Variants in AKR1C3 observed in about 807,000 individuals in gnomAD.
AKR1C3 encodes aldo-keto reductase family 1 member C3.
Under a neutral mutation model 43.6 loss-of-function variants are expected in AKR1C3, and 48 were observed. The ratio of observed to expected loss-of-function variants is 1.10; its 90% CI spans 0.87 to 1.40. The LOEUF (loss-of-function observed/expected upper bound fraction) is 1.40, where lower values mean the gene tolerates loss of function less well. AKR1C3 is among the 40% of genes most tolerant of loss of function. AKR1C3 has a pLI of 0.00. For synonymous variants in AKR1C3, 162 were observed against 139.6 expected, an observed-to-expected ratio of 1.16 and a Z score of -1.13; for missense variants, 482 against 391.2, an observed-to-expected ratio of 1.23 and a Z score of -1.96.
At chr10:5,065,714 C>G (rs2131795193) in intron 1 of AKR1C3, among the ~76,000 whole-genome samples, 1 of 152,206 alleles carries the variant, frequency 6.6e-6, no homozygotes, top group African/African-American at 2.4e-5. Flanking sequence ...ATGAAGAGGA[C>G]AAAGTAAGGT....
intron 1 of AKR1C3, among the ~76,000 whole-genome samples, chr10:5,074,709 G>C (rs1838676055): frequency 6.6e-6 from 1 of 152,138 alleles, no homozygotes; most frequent in Non-Finnish European, 1.5e-5. Flanking sequence ...TCCTAAATAA[G>C]ATGGCTACAA....
chr10:5,098,913 T>C (rs1215230150), intron 4 of AKR1C3, 34 bp downstream of exon 4: 1 of 1,535,068 alleles, frequency 6.5e-7, no homozygotes, highest in South Asian at 1.2e-5. Flanking sequence ...CAGAGAAGGA[T>C]GACAAAAAGA....
At chr10:5,058,070 A>G (rs1185102504) in intron 1 of AKR1C3, among the ~76,000 whole-genome samples, 5 of 152,164 alleles carry the variant, frequency 3.3e-5, no homozygotes, top group African/African-American at 1.2e-4. Flanking sequence ...GGACATAACC[A>G]ATAGCCCGGG....
At chr10:5,095,649 G>A (rs1353623482) in intron 1 of AKR1C3, among the ~76,000 whole-genome samples, 2 of 151,948 alleles carry the variant, frequency 1.3e-5, no homozygotes, top group Non-Finnish European at 2.9e-5. Flanking sequence ...ATCCAAATTT[G>A]GTCAATAAGT....
intron 1 of AKR1C3, among the ~76,000 whole-genome samples, chr10:5,079,358 G>A (rs1398039802): frequency 1.3e-5 from 2 of 151,786 alleles, no homozygotes; most frequent in Admixed American, 6.6e-5. Flanking sequence ...TGTTAAGAGG[G>A]GCTACAATTC....
chr10:5,078,723 C>T (rs1412030503), intron 1 of AKR1C3, among the ~76,000 whole-genome samples: 1 of 152,152 alleles, frequency 6.6e-6, no homozygotes, highest in Non-Finnish European at 1.5e-5. Flanking sequence ...AGGCAGGGCC[C>T]AGAGAGATTA....
At chr10:5,077,016 A>G (rs1483912769) in intron 1 of AKR1C3, among the ~76,000 whole-genome samples, 1 of 152,136 alleles carries the variant, frequency 6.6e-6, no homozygotes, top group African/African-American at 2.4e-5. Flanking sequence ...GGATTATTGA[A>G]CTCATTAAAT....
intron 1 of AKR1C3, among the ~76,000 whole-genome samples, chr10:5,069,430 G>GTT (rs373970743): frequency 1.9e-3 from 292 of 152,258 alleles, no homozygotes; most frequent in African/African-American, 6.6e-3. Flanking sequence ...AATCCAAAAA[G>GTT]TTAGTTAGAA....
At chr10:5,072,100 G>A (rs918829660) in intron 1 of AKR1C3, among the ~76,000 whole-genome samples, 1 of 152,232 alleles carries the variant, frequency 6.6e-6, no homozygotes, top group Non-Finnish European at 1.5e-5. Flanking sequence ...CAGACAGGTG[G>A]GAATGAAGAC....
At chr10:5,079,651 A>T (rs1554782156) in intron 1 of AKR1C3, among the ~76,000 whole-genome samples, 1 of 152,000 alleles carries the variant, frequency 6.6e-6, no homozygotes, top group South Asian at 2.1e-4. Context: ...AGAGACTCAC[A>T]TCTGTGTGGG....
At chr10:5,103,098 C>T (rs1839401041) in intron 7 of AKR1C3, among the ~76,000 whole-genome samples, 1 of 152,040 alleles carries the variant, frequency 6.6e-6, no homozygotes, top group Non-Finnish European at 1.5e-5. Context: ...ACCATGTTGG[C>T]CAGGCTAGTT....
chr10:5,064,861 A>C (rs1838463032), intron 1 of AKR1C3, among the ~76,000 whole-genome samples: 1 of 151,698 alleles, frequency 6.6e-6, no homozygotes, highest in African/African-American at 2.4e-5. Context: ...GCCTATTATT[A>C]TACTATGCAT....
chr10:5,049,447 C>G (rs948641573), intron 1 of AKR1C3, among the ~76,000 whole-genome samples: 1 of 152,012 alleles, frequency 6.6e-6, no homozygotes, highest in African/African-American at 2.4e-5. Flanking sequence ...AGAAAATTAC[C>G]AGAGGATATA....
intron 1 of AKR1C3, among the ~76,000 whole-genome samples, chr10:5,085,020 C>A (rs1838931009): frequency 3.3e-5 from 5 of 152,298 alleles, no homozygotes; most frequent in African/African-American, 1.2e-4. Flanking sequence ...ATGTCATCTG[C>A]AAACAGGGAC....
chr10:5,084,868 GCT>G (rs1247741562), intron 1 of AKR1C3, among the ~76,000 whole-genome samples: 4 of 151,968 alleles, frequency 2.6e-5, no homozygotes, highest in Non-Finnish European at 4.4e-5. Context: ...TCATGATTTG[GCT>G]CTCTGTTTGT....
rs569487895 is a variant in AKR1C3 at position 5,101,934 on chromosome 10, G to A, written c.571-167G>A. Among the ~76,000 whole-genome samples, 6 of 152,206 alleles carry A rather than the reference G, an allele frequency of 3.9e-5. No homozygotes were observed. The East Asian group carries it at 1.2e-3, about 29-fold the overall frequency. On this transcript the variant is annotated intron_variant, in intron 5 of 8. Coordinates refer to ENST00000380554, the MANE Select transcript of AKR1C3 (RefSeq NM_003739.6). Reference sequence around the variant, plus strand: ...GGCATTTCCATTTATACTTTTAGAAGATATATAAAATTTATTTCTATGAAA... The same window carrying A: ...GGCATTTCCATTTATACTTTTAGAAAATATATAAAATTTATTTCTATGAAA...
upstream of AKR1C3, among the ~76,000 whole-genome samples, chr10:5,091,015 G>C (rs1839075810): frequency 6.6e-6 from 1 of 152,106 alleles, no homozygotes; most frequent in Admixed American, 6.6e-5. Context: ...AGTCAGAATA[G>C]TGTGCATTCA....
chr10:5,051,404 T>C (rs1176226700), intron 1 of AKR1C3, among the ~76,000 whole-genome samples: 6 of 152,210 alleles, frequency 3.9e-5, no homozygotes, highest in Admixed American at 6.5e-5. Context: ...GCTGACTTTG[T>C]GTTTTATGTA....
chr10:5,075,248 C>T (rs1200329917), intron 1 of AKR1C3, among the ~76,000 whole-genome samples: 1 of 152,046 alleles, frequency 6.6e-6, no homozygotes, highest in Non-Finnish European at 1.5e-5. Flanking sequence ...CTGTGGTTCT[C>T]CCCTACACAT....
Sources: allele counts gnomAD v4.1 joint callset (sites outside exome capture counted in the v4.1 genomes callset), GRCh38; gene constraint gnomAD v4.1.1; transcripts MANE v1.5; gene names NCBI Gene and HGNC (gene_info 2026-07-23, HGNC 2026-07-21).